KHDRBS2: variants seen among roughly 807,000 people sequenced by gnomAD.
KHDRBS2 encodes KH RNA binding domain containing, signal transduction associated 2.
In KHDRBS2, 26 loss-of-function variants were observed where a neutral mutation model predicts 44.3. The observed-to-expected ratio is 0.59, with a 90% CI of 0.43 to 0.81. KHDRBS2 has a LOEUF of 0.81. Ranked by LOEUF, KHDRBS2 falls within the 40% of genes least tolerant of loss-of-function variation. KHDRBS2 has a pLI of 0.00. For synonymous variants in KHDRBS2, 194 were observed against 151.1 expected, an observed-to-expected ratio of 1.28 and a Z score of -2.08; for missense variants, 476 against 433.1, an observed-to-expected ratio of 1.10 and a Z score of -0.88.
At chr6:62,178,460 G>A (rs1821590234) in intron 1 of KHDRBS2, among the ~76,000 whole-genome samples, 2 of 151,558 alleles carry the variant, frequency 1.3e-5, no homozygotes, top group South Asian at 4.1e-4. Context: ...TCACTTTGAA[G>A]AGTAAAGGAA....
chr6:61,933,327 T>C (rs75542780), intron 4 of KHDRBS2, among the ~76,000 whole-genome samples: 10,905 of 151,892 alleles, frequency 0.072, 430 homozygotes, highest in Middle Eastern at 0.13. Flanking sequence ...GATTACAATT[T>C]GACATGAGAT....
intron 4 of KHDRBS2, 65 bp from the exon 5 acceptor site, chr6:61,901,436 A>G (rs1319557337): frequency 7.6e-7 from 1 of 1,314,626 alleles, no homozygotes; most frequent in African/African-American, 1.5e-5. Flanking sequence ...TTGGAAAAAA[A>G]AAAAAAGAAA....
chr6:61,945,624 A>G lies in KHDRBS2; in HGVS notation c.483+32442T>C, dbSNP rs1340807188. Among the ~76,000 whole-genome samples the G allele has an allele frequency of 6.6e-5, 10 of 151,982 alleles. No homozygotes were observed. In the South Asian group the frequency reaches 1.2e-3, roughly 19 times the overall value. On this transcript the variant is annotated intron_variant, in intron 4 of 8. Transcript: ENST00000281156. ...TCCATTCCCTGAAAATCAGATTTTT[A>G]TGGATTTAATTTTATACATCTTTCC...
chr6:61,691,938 T>C (rs903088447), intron 8 of KHDRBS2, among the ~76,000 whole-genome samples: 5 of 152,106 alleles, frequency 3.3e-5, no homozygotes, highest in African/African-American at 1.2e-4. Flanking sequence ...AATATTATCC[T>C]CCTTGCTTCC....
At chr6:62,056,306 T>C (rs910814432) in intron 2 of KHDRBS2, among the ~76,000 whole-genome samples, 2 of 152,014 alleles carry the variant, frequency 1.3e-5, no homozygotes, top group African/African-American at 4.8e-5. Flanking sequence ...TGAAAATTCA[T>C]CTACACATAT....
chr6:61,805,712 G>A (rs769982673), intron 6 of KHDRBS2, among the ~76,000 whole-genome samples: 3 of 152,148 alleles, frequency 2.0e-5, no homozygotes, highest in Non-Finnish European at 1.5e-5. Flanking sequence ...GGGGGCTAAA[G>A]TCCCTTATAA....
At chr6:61,733,627 A>T (rs1449393750) in intron 6 of KHDRBS2, among the ~76,000 whole-genome samples, 7 of 152,098 alleles carry the variant, frequency 4.6e-5, no homozygotes, top group Admixed American at 4.6e-4. Context: ...GACTTTGTGT[A>T]CATTATATGA....
chr6:61,642,841 C>T, the KHDRBS2 span, among the ~76,000 whole-genome samples: 1 of 152,050 alleles, frequency 6.6e-6, no homozygotes, highest in African/African-American at 2.4e-5. Context: ...TAAGAAAATA[C>T]ATTTTATTAC....
At chr6:62,118,480 A>G (rs1177257938) in intron 2 of KHDRBS2, among the ~76,000 whole-genome samples, 2 of 152,154 alleles carry the variant, frequency 1.3e-5, no homozygotes, top group African/African-American at 4.8e-5. Context: ...TCTGTAGATC[A>G]CTTTAGGTAA....
At chr6:61,881,090 A>G (rs1424407601) in intron 6 of KHDRBS2, among the ~76,000 whole-genome samples, 1 of 151,982 alleles carries the variant, frequency 6.6e-6, no homozygotes, top group East Asian at 1.9e-4. Context: ...TATGTACTTG[A>G]CATAAGGGCT....
intron 2 of KHDRBS2, among the ~76,000 whole-genome samples, chr6:62,048,848 A>G (rs2127308840): frequency 6.6e-6 from 1 of 152,090 alleles, no homozygotes; most frequent in Non-Finnish European, 1.5e-5. Context: ...TACAAAGAAC[A>G]TAGAATGCAC....
chr6:61,642,495 T>TAAA, the KHDRBS2 span, among the ~76,000 whole-genome samples: 82 of 134,000 alleles, frequency 6.1e-4, 1 homozygote, highest in Middle Eastern at 7.8e-3. Context: ...GTTTCTATAT[T>TAAA]AAAAAAAAAA....
chr6:61,989,182 T>G (rs1274447082), intron 3 of KHDRBS2, among the ~76,000 whole-genome samples: 1 of 152,182 alleles, frequency 6.6e-6, no homozygotes, highest in East Asian at 1.9e-4. Context: ...ATAAACCCTT[T>G]TGGAGACTAG....
chr6:62,206,815 G>T (rs914394195), intron 1 of KHDRBS2, among the ~76,000 whole-genome samples: 2 of 152,084 alleles, frequency 1.3e-5, no homozygotes, highest in Non-Finnish European at 2.9e-5. Context: ...ACTGGGGACA[G>T]AAGCTAAAGA....
chr6:61,751,989 A>G (rs186669922), intron 6 of KHDRBS2, among the ~76,000 whole-genome samples: 129 of 152,162 alleles, frequency 8.5e-4, no homozygotes, highest in African/African-American at 3.0e-3. Flanking sequence ...GAAGGACACA[A>G]ATCATATCCA....
At chr6:62,281,328 A>T (rs1841761862) in intron 1 of KHDRBS2, among the ~76,000 whole-genome samples, 1 of 152,158 alleles carries the variant, frequency 6.6e-6, no homozygotes, top group Non-Finnish European at 1.5e-5. Context: ...TGTTATACAC[A>T]TAAAAATTAT....
intron 2 of KHDRBS2, among the ~76,000 whole-genome samples, chr6:62,125,093 C>T (rs1428901018): frequency 6.6e-6 from 1 of 152,110 alleles, no homozygotes; most frequent in Non-Finnish European, 1.5e-5. Flanking sequence ...AACTTCATAT[C>T]ACTGAAAGAG....
At chr6:61,690,399 T>G (rs1011877715) in intron 8 of KHDRBS2, among the ~76,000 whole-genome samples, 29 of 152,112 alleles carry the variant, frequency 1.9e-4, no homozygotes, top group Admixed American at 1.8e-3. Context: ...CCCCTCCCTC[T>G]TAGCCAAAAT....
the KHDRBS2 span, among the ~76,000 whole-genome samples, chr6:61,635,591 G>C: frequency 1.4e-4 from 21 of 151,864 alleles, no homozygotes; most frequent in East Asian, 3.3e-3. Context: ...TTGCAAAGGG[G>C]GAAATGAAGA....
Sources: gnomAD v4.1 joint callset for allele counts (sites outside exome capture counted in the v4.1 genomes callset) on GRCh38, gnomAD v4.1.1 for gene constraint, MANE v1.5 for transcripts, NCBI Gene and HGNC (gene_info 2026-07-23, HGNC 2026-07-21) for gene names.